AGBL1: variants seen among roughly 807,000 people sequenced by gnomAD.
AGBL1 encodes AGBL carboxypeptidase 1, also known as cytosolic carboxypeptidase 4.
AGBL1 carries 130 observed loss-of-function variants against 118.9 expected under a neutral mutation model. That is an observed-to-expected ratio of 1.09 (90% confidence interval 0.95 to 1.26). The LOEUF is 1.26. Among genes scored for constraint, AGBL1 ranks in the 50% most tolerant of loss-of-function variants. The probability of loss-of-function intolerance (pLI) is 0.00; values close to 1 mark genes in which losing one functional copy is unlikely to be tolerated. For missense variants in AGBL1, 1,584 were observed against 1,298.1 expected, an observed-to-expected ratio of 1.22 and a Z score of -3.38; for synonymous variants, 555 against 478.9, an observed-to-expected ratio of 1.16 and a Z score of -2.08.
rs576337892 is a variant in AGBL1, at chr15:86,964,506, C to T, written c.3222-23481C>T. ...GCTACTGATCTATTAATAGTAGGTCCGTAGGATCCTTAAAGTGAGCATGTT... is the reference window on the plus strand; with the variant it reads ...GCTACTGATCTATTAATAGTAGGTCTGTAGGATCCTTAAAGTGAGCATGTT... On this transcript the variant is annotated intron_variant, in intron 23 of 24. Coordinates refer to the AGBL1 transcript ENST00000441037. Among the ~76,000 whole-genome samples, 105 of 151,940 alleles carry T rather than the reference C, an allele frequency of 6.9e-4. 1 individual carries two copies. Among genetic ancestry groups the T allele is most frequent in the South Asian group, 6.4e-3 (31 of 4,816 alleles).
At chr15:86,574,798 G>T (rs150026262) in intron 21 of AGBL1, among the ~76,000 whole-genome samples, 6 of 151,294 alleles carry the variant, frequency 4.0e-5, no homozygotes, top group Non-Finnish European at 8.8e-5. Context: ...GGCTGGTCTC[G>T]AACTCCTGAC....
intron 1 of AGBL1, among the ~76,000 whole-genome samples, chr15:86,125,906 C>G (rs1898398835): frequency 6.6e-6 from 1 of 152,222 alleles, no homozygotes; most frequent in African/African-American, 2.4e-5. Context: ...GGAATTCAGC[C>G]CTGGCAATTA....
rs2083704660 is a variant in AGBL1 at position 86,554,443 on chromosome 15, C to G, written c.2900C>G (p.Ser967Cys). 6.3e-7 allele frequency: 1 copy of G among 1,588,562 alleles called. No individual in the cohort carries two copies. The highest frequency in any genetic ancestry group is 2.3e-5 in the East Asian group (1 of 43,916). ...CSFLVEKSRA[S>C]TARVVVWREM... ...TTTCTCGTGGAGAAATCTCGAGCTT[C>G]CACGGCCCGGGTGGTGGTGTGGAGA... The change falls in exon 21 of 23, where the codon TCC (serine) becomes TGC (cysteine). Residue 967 changes from serine to cysteine, a missense_variant. Transcript: ENST00000614907.
chr15:86,947,029 C>T (rs945701251), intron 23 of AGBL1, among the ~76,000 whole-genome samples: 3 of 152,048 alleles, frequency 2.0e-5, no homozygotes, highest in African/African-American at 7.2e-5. Context: ...GGCAATACTC[C>T]CTGCAAGCAC....
rs150023693 is a variant in AGBL1 at position 86,634,247 on chromosome 15, A to C, written c.2995-40026A>C. ...AAGAGAAGTGAAAACATATGTCCAC[A>C]CAAGAATTTGTATGTAGGTATTTAT... is the stretch of plus-strand genomic sequence containing the variant. On this transcript the variant is annotated intron_variant, in intron 21 of 22. Coordinates refer to ENST00000614907, the MANE Select transcript of AGBL1 (RefSeq NM_001386094.1). Among the ~76,000 whole-genome samples, 257 of 152,316 alleles carry C rather than the reference A, an allele frequency of 1.7e-3. 4 individuals carry two copies. In the East Asian group the frequency reaches 0.02, roughly 12 times the overall value.
intron 23 of AGBL1, among the ~76,000 whole-genome samples, chr15:86,979,267 A>C (rs1157393737): frequency 6.6e-6 from 1 of 152,216 alleles, no homozygotes; most frequent in African/African-American, 2.4e-5. Context: ...TGGGAAATGC[A>C]GTGCAATATT....
In AGBL1 at chr15:86,840,153, C is replaced by T. The variant is rs556705592; in HGVS notation, c.3159-66934C>T. ...ATCTAATTAATGTGAATTCTAAATT[C>T]CTTGGGTTCATCAAATCTTTGCGTT... On this transcript the variant is annotated intron_variant, in intron 22 of 22. Transcript: ENST00000614907. Among the ~76,000 whole-genome samples the T allele has an allele frequency of 9.9e-4, 150 of 152,266 alleles. 1 individual carries two copies. The highest frequency in any genetic ancestry group is 3.5e-3 in the African/African-American group (147 of 41,556).
chr15:86,699,868 A>G (rs1352365871), intron 22 of AGBL1, among the ~76,000 whole-genome samples: 1 of 151,992 alleles, frequency 6.6e-6, no homozygotes, highest in Non-Finnish European at 1.5e-5. Flanking sequence ...AGACTATATA[A>G]ATGTTCTATT....
intron 5 of AGBL1, among the ~76,000 whole-genome samples, chr15:86,178,096 G>A (rs536320170): frequency 9.2e-5 from 14 of 152,210 alleles, no homozygotes; most frequent in African/African-American, 2.6e-4. Flanking sequence ...GGCAGATCAC[G>A]AGGTCAGCAG....
At chr15:86,476,702 A>C (rs1453762925) in intron 18 of AGBL1, among the ~76,000 whole-genome samples, 8 of 152,184 alleles carry the variant, frequency 5.3e-5, no homozygotes, top group Non-Finnish European at 8.8e-5. Flanking sequence ...GATATCCAGG[A>C]ATTGAACTCA....
chr15:86,564,268 C>T (rs1297590002), intron 21 of AGBL1, among the ~76,000 whole-genome samples: 2 of 152,186 alleles, frequency 1.3e-5, no homozygotes, highest in Non-Finnish European at 2.9e-5. Flanking sequence ...GTGGCTGGTA[C>T]TGGTTGTTCC....
At chr15:86,375,478 A>G (rs76305633) in intron 17 of AGBL1, among the ~76,000 whole-genome samples, 6,552 of 152,164 alleles carry the variant, frequency 0.043, 286 homozygotes, top group East Asian at 0.21. Context: ...TGGGGATTAC[A>G]GTTCAAGATG....
intron 1 of AGBL1, 46 bp from the exon 2 acceptor site, chr15:86,141,958 C>T: frequency 6.5e-7 from 1 of 1,532,952 alleles, no homozygotes; most frequent in Non-Finnish European, 8.8e-7. Context: ...CATCCAACTC[C>T]TTCCTCTTGC....
At chr15:87,022,675 G>A (rs116241609) in intron 24 of AGBL1, among the ~76,000 whole-genome samples, 3,384 of 152,008 alleles carry the variant, frequency 0.022, 134 homozygotes, top group African/African-American at 0.077. Context: ...AAGTTAAGAC[G>A]GAAGAAAGAA....
chr15:86,493,063 G>A (rs768139518), intron 18 of AGBL1, among the ~76,000 whole-genome samples: 1 of 152,054 alleles, frequency 6.6e-6, no homozygotes, highest in South Asian at 2.1e-4. Context: ...GCATGGTGGT[G>A]CACACCTGTA....
chr15:86,925,975 C>G (rs1472971177), intron 23 of AGBL1, among the ~76,000 whole-genome samples: 1 of 152,024 alleles, frequency 6.6e-6, no homozygotes, highest in East Asian at 1.9e-4. Context: ...TGTGATTCAC[C>G]CGCCTCAGCC....
intron 5 of AGBL1, among the ~76,000 whole-genome samples, chr15:86,194,710 G>A (rs1412076016): frequency 1.3e-5 from 2 of 152,146 alleles, no homozygotes; most frequent in Non-Finnish European, 2.9e-5. Flanking sequence ...GTATAAGAGG[G>A]AAGATGGGCC....
intron 17 of AGBL1, among the ~76,000 whole-genome samples, chr15:86,318,696 A>ATTTTTTT (rs57988335): frequency 4.9e-5 from 4 of 81,946 alleles, no homozygotes; most frequent in Non-Finnish European, 6.9e-5. Flanking sequence ...TTGATCATAG[A>ATTTTTTT]TTTTTTTTTT....
At chr15:86,825,117 C>G (rs1207733168) in intron 22 of AGBL1, among the ~76,000 whole-genome samples, 1 of 151,688 alleles carries the variant, frequency 6.6e-6, no homozygotes, top group African/African-American at 2.4e-5. Flanking sequence ...AGAACTCAAC[C>G]TACGCAAATA....
Sources: allele counts gnomAD v4.1 joint callset (sites outside exome capture counted in the v4.1 genomes callset), GRCh38; gene constraint gnomAD v4.1.1; transcripts MANE v1.5; gene names NCBI Gene and HGNC (gene_info 2026-07-23, HGNC 2026-07-21).